Variants in KLRG1 observed in about 807,000 individuals in gnomAD.
The protein encoded by KLRG1 is killer cell lectin-like receptor subfamily G member 1.
Under a neutral mutation model 21.8 loss-of-function variants are expected in KLRG1, and 16 were observed. The observed-to-expected ratio is 0.73, with a 90% confidence interval of 0.50 to 1.11. The LOEUF (loss-of-function observed/expected upper bound fraction) is 1.11. Ranked by LOEUF, KLRG1 falls within the 50% of genes most tolerant of loss-of-function variation. The pLI is 0.00. For synonymous variants in KLRG1, 69 were observed against 75.9 expected, an observed-to-expected ratio of 0.91 and a Z score of 0.47; for missense variants, 173 against 218.3, an observed-to-expected ratio of 0.79 and a Z score of 1.31.
At chr12:9,140,490 G>T in the KLRG1 span, among the ~76,000 whole-genome samples, 1 of 152,174 alleles carries the variant, frequency 6.6e-6, no homozygotes, top group Non-Finnish European at 1.5e-5. Flanking sequence ...GCCAGTAACC[G>T]TTATTAAAAA....
At chr12:9,187,495 T>G in the KLRG1 span, among the ~76,000 whole-genome samples, 7 of 152,190 alleles carry the variant, frequency 4.6e-5, no homozygotes. Context: ...CGGACTACCA[T>G]GTGATTAAAA....
chr12:9,120,852 C>CATGTGT, the KLRG1 span, among the ~76,000 whole-genome samples: 681 of 143,472 alleles, frequency 4.7e-3, 10 homozygotes, highest in African/African-American at 0.013. Flanking sequence ...ATCCCACTAA[C>CATGTGT]GTGTGTGTGT....
At chr12:9,014,173 C>G (rs1045195896), downstream of KLRG1, among the ~76,000 whole-genome samples, 2 of 152,054 alleles carry the variant, frequency 1.3e-5, no homozygotes, top group Non-Finnish European at 2.9e-5. Flanking sequence ...GAGGTAGAGA[C>G]AGAGACTGGG....
the KLRG1 span, among the ~76,000 whole-genome samples, chr12:9,165,752 C>G: frequency 6.6e-6 from 1 of 152,288 alleles, no homozygotes; most frequent in Non-Finnish European, 1.5e-5. Flanking sequence ...CCTGCTCCAG[C>G]CCTGATATTT....
chr12:9,197,846 TATA>T, the KLRG1 span, among the ~76,000 whole-genome samples: 1 of 115,182 alleles, frequency 8.7e-6, no homozygotes, highest in Non-Finnish European at 1.6e-5. Context: ...ATATATAATA[TATA>T]ATATTAATTA....
chr12:9,194,928 T>C, the KLRG1 span, among the ~76,000 whole-genome samples: 1 of 152,202 alleles, frequency 6.6e-6, no homozygotes, highest in Non-Finnish European at 1.5e-5. Context: ...GTTACTTCTC[T>C]GCGCTTCAGT....
the KLRG1 span, among the ~76,000 whole-genome samples, chr12:9,141,953 C>G: frequency 6.6e-6 from 1 of 152,168 alleles, no homozygotes; most frequent in Non-Finnish European, 1.5e-5. Context: ...TTTTATAAAG[C>G]ATTCAGGAGT....
the KLRG1 span, among the ~76,000 whole-genome samples, chr12:9,133,606 T>C: frequency 6.6e-6 from 1 of 152,322 alleles, no homozygotes; most frequent in Non-Finnish European, 1.5e-5. Context: ...ACCTCTCTTA[T>C]GATATGGCAT....
chr12:9,159,134 G>T, the KLRG1 span, among the ~76,000 whole-genome samples: 1,329 of 152,124 alleles, frequency 8.7e-3, 19 homozygotes, highest in African/African-American at 0.03. Context: ...AATGGTTGTG[G>T]TTTTATTCTA....
intron 1 of KLRG1, among the ~76,000 whole-genome samples, chr12:8,980,532 G>A (rs1281410592): frequency 1.3e-5 from 2 of 152,202 alleles, no homozygotes; most frequent in Admixed American, 1.3e-4. Flanking sequence ...GCCTGCAAGG[G>A]TAGTGGCTGG....
chr12:9,210,970 C>A, the KLRG1 span, among the ~76,000 whole-genome samples: 1 of 152,020 alleles, frequency 6.6e-6, no homozygotes, highest in African/African-American at 2.4e-5. Flanking sequence ...TTACATATAC[C>A]CTTTGAGACA....
Position 9,010,258 on chromosome 12 carries a change from CCTT to C in KLRG1, c.*724_*726del, listed in dbSNP as rs1193601373. 3 of 477,948 alleles carry C rather than the reference CCTT, an allele frequency of 6.3e-6. No individual in the cohort carries two copies. Among genetic ancestry groups the C allele is most frequent in the Non-Finnish European group, 7.4e-6 (2 of 268,938 alleles). The allele number at this position is 477,948 out of a possible 1,614,324, so 29.6% of individuals were successfully genotyped here. A position where few individuals can be genotyped will look rare whatever the true frequency, so the allele number is the denominator to read the frequency against. On this transcript the variant is annotated 3_prime_UTR_variant, in exon 5 of 5. Coordinates refer to ENST00000356986, the MANE Select transcript of KLRG1 (RefSeq NM_005810.4). ...GAGTGAGGGCAAGGTGGTACTTCCT[CCTT>C]CTGAGCTCTTCACACGTAATGCAAA...
chr12:9,181,948 C>A, the KLRG1 span: 3 of 1,607,840 alleles, frequency 1.9e-6, no homozygotes, highest in Middle Eastern at 1.7e-4. Context: ...TATTTGTGTT[C>A]TTTTAATTTT....
chr12:9,160,832 G>A, the KLRG1 span, among the ~76,000 whole-genome samples: 7 of 151,716 alleles, frequency 4.6e-5, no homozygotes, highest in African/African-American at 9.7e-5. Context: ...GGAGAATGGC[G>A]TGAACCCAGG....
the KLRG1 span, among the ~76,000 whole-genome samples, chr12:9,055,030 T>C: frequency 5.3e-5 from 8 of 152,368 alleles, no homozygotes; most frequent in African/African-American, 1.9e-4. Flanking sequence ...TACTTATTTA[T>C]ACTTCTCCAA....
At chr12:9,117,926 ATT>A in the KLRG1 span, among the ~76,000 whole-genome samples, 1 of 152,144 alleles carries the variant, frequency 6.6e-6, no homozygotes, top group African/African-American at 2.4e-5. Context: ...GCTGGTGTGA[ATT>A]TTATACTTAC....
chr12:8,999,451 C>T (rs766391704), intron 3 of KLRG1, among the ~76,000 whole-genome samples: 5 of 152,342 alleles, frequency 3.3e-5, no homozygotes, highest in Admixed American at 3.3e-4. Context: ...TCTCATTCAA[C>T]TTTACCTATC....
the KLRG1 span, among the ~76,000 whole-genome samples, chr12:9,145,416 A>G: frequency 6.6e-6 from 1 of 152,244 alleles, no homozygotes; most frequent in Non-Finnish European, 1.5e-5. Flanking sequence ...AGCTGATAAC[A>G]ACTTCAGTTT....
the KLRG1 span, among the ~76,000 whole-genome samples, chr12:9,205,486 A>C: frequency 6.6e-6 from 1 of 152,220 alleles, no homozygotes; most frequent in Non-Finnish European, 1.5e-5. Flanking sequence ...CTCCATGTTC[A>C]TGGAAGCTAA....
Sources: gnomAD v4.1 joint callset for allele counts (sites outside exome capture counted in the v4.1 genomes callset) on GRCh38, gnomAD v4.1.1 for gene constraint, MANE v1.5 for transcripts, NCBI Gene and HGNC (gene_info 2026-07-23, HGNC 2026-07-21) for gene names.